G3BP2: variants seen among roughly 807,000 people sequenced by gnomAD.
G3BP2 encodes the protein ras GTPase-activating protein-binding protein 2.
In G3BP2, 11 loss-of-function variants were observed where a neutral mutation model predicts 56.7. That is an observed-to-expected ratio of 0.19 (90% CI 0.12 to 0.32). G3BP2 has a LOEUF of 0.32. G3BP2 is among the 10% of genes least tolerant of loss of function. G3BP2 has a pLI of 1.00. For synonymous variants in G3BP2, 165 were observed against 191.6 expected (o/e 0.86, Z 1.15); for missense variants, 340 against 610.9 (o/e 0.56, Z 4.67).
At chr4:75,652,323 T>C (rs984846247) in intron 8 of G3BP2, among the ~76,000 whole-genome samples, 16 of 152,282 alleles carry the variant, frequency 1.1e-4, no homozygotes, top group Non-Finnish European at 7.4e-5. Flanking sequence ...GCTGGAGAAT[T>C]GCATAAGGTT....
upstream of G3BP2, chr4:75,673,442 T>C: frequency 1.6e-6 from 2 of 1,229,384 alleles, no homozygotes; most frequent in African/African-American, 3.1e-5. Context: ...CCCCCTCTTA[T>C]TGTTTTACCC....
chr4:75,719,161 A>C (rs1720045576), intron 3 of G3BP2, among the ~76,000 whole-genome samples: 1 of 151,818 alleles, frequency 6.6e-6, no homozygotes, highest in Non-Finnish European at 1.5e-5. Context: ...ATCCCGGCTA[A>C]AACGGTGAAA....
chr4:75,710,993 C>T (rs149986759), intron 3 of G3BP2, among the ~76,000 whole-genome samples: 254 of 152,230 alleles, frequency 1.7e-3, no homozygotes, highest in Middle Eastern at 0.01. Context: ...TTTATCCTTT[C>T]TCACCATTCC....
upstream of G3BP2, among the ~76,000 whole-genome samples, chr4:75,675,994 C>T (rs1436648857): frequency 6.6e-6 from 1 of 152,194 alleles, no homozygotes; most frequent in East Asian, 1.9e-4. Context: ...TCAGGTAACC[C>T]TGCTCTTGAG....
chr4:75,720,906 G>A (rs1051124114), exon 3 of G3BP2, among the ~76,000 whole-genome samples: 1 of 148,400 alleles, frequency 6.7e-6, no homozygotes, highest in Non-Finnish European at 1.5e-5. Flanking sequence ...GGAGGCTGAG[G>A]CAGGAGAATA....
intron 11 of G3BP2, 132 bp from the exon 12 acceptor site, chr4:75,645,834 G>A: frequency 1.3e-6 from 1 of 750,878 alleles, no homozygotes; most frequent in Non-Finnish European, 2.1e-6. Flanking sequence ...CCAGAGATAG[G>A]GTCTCAGCTG....
At chr4:75,680,904 G>A (rs755804397) in intron 3 of G3BP2, among the ~76,000 whole-genome samples, 6 of 151,376 alleles carry the variant, frequency 4.0e-5, no homozygotes, top group Non-Finnish European at 8.8e-5. Flanking sequence ...GGAGGCAGAG[G>A]TTGCAGTGAG....
intron 3 of G3BP2, chr4:75,695,053 T>G: frequency 2.6e-6 from 1 of 382,038 alleles, no homozygotes; most frequent in Non-Finnish European, 3.6e-6. Flanking sequence ...CCACTGTAGA[T>G]AGGAACTCAG....
At chr4:75,709,665 T>C (rs1390316931) in intron 3 of G3BP2, among the ~76,000 whole-genome samples, 1 of 151,978 alleles carries the variant, frequency 6.6e-6, no homozygotes, top group East Asian at 1.9e-4. Flanking sequence ...TCATTTTTAT[T>C]TAAAGAATGC....
chr4:75,679,474 A>G (rs1342663597), intron 3 of G3BP2, among the ~76,000 whole-genome samples: 1 of 152,242 alleles, frequency 6.6e-6, no homozygotes, highest in African/African-American at 2.4e-5. Context: ...GTGAGTGTGT[A>G]AAATATGTCT....
intron 3 of G3BP2, among the ~76,000 whole-genome samples, chr4:75,702,651 C>T (rs1719394541): frequency 6.6e-6 from 1 of 152,194 alleles, no homozygotes; most frequent in Non-Finnish European, 1.5e-5. Flanking sequence ...TGCATGGTTA[C>T]ATTAGCATCA....
At chr4:75,652,314 C>A (rs1298882428) in intron 8 of G3BP2, among the ~76,000 whole-genome samples, 3 of 152,142 alleles carry the variant, frequency 2.0e-5, no homozygotes, top group Admixed American at 6.5e-5. Context: ...CAGCAAGGTG[C>A]TGGAGAATTG....
At chr4:75,685,922 T>C (rs1364736253) in intron 3 of G3BP2, among the ~76,000 whole-genome samples, 2 of 151,972 alleles carry the variant, frequency 1.3e-5, no homozygotes, top group Non-Finnish European at 2.9e-5. Context: ...AAATGTCCAG[T>C]GTAACAGAAT....
chr4:75,661,160 A>G (rs1732520526), intron 2 of G3BP2, among the ~76,000 whole-genome samples: 1 of 152,088 alleles, frequency 6.6e-6, no homozygotes, highest in Admixed American at 6.5e-5. Context: ...ACGAAGCCTC[A>G]CTCTGTCACC....
intron 3 of G3BP2, among the ~76,000 whole-genome samples, chr4:75,715,715 TCAACC>T (rs755355843): frequency 4.6e-5 from 7 of 152,200 alleles, no homozygotes; most frequent in Non-Finnish European, 8.8e-5. Flanking sequence ...TGAAAGCTAA[TCAACC>T]CATCAGCCAT....
In G3BP2 at chr4:75,645,337, CTG is replaced by C. The variant is rs1731137168; in HGVS notation, c.*91_*92del. The C allele has an allele frequency of 1.8e-6, 2 of 1,117,794 alleles. No individual in the cohort carries two copies. The highest frequency in any genetic ancestry group is 2.4e-5 in the East Asian group (1 of 41,822). The allele number at this position is 1,117,794 out of a possible 1,614,324, so 69.2% of individuals were successfully genotyped here. A position where few individuals can be genotyped will look rare whatever the true frequency, so the allele number is the denominator to read the frequency against. On this transcript the variant is annotated 3_prime_UTR_variant, in exon 12 of 12. Coordinates refer to ENST00000359707, the MANE Select transcript of G3BP2 (RefSeq NM_203505.3). ...CACATCAAAGAAATGATCAAAAAGG[CTG>C]TGTCACATTCCAAAGCCAAAAAAAA...
Position 75,645,250 on chromosome 4 carries a change from C to G in G3BP2, c.*180G>C. On this transcript the variant is annotated 3_prime_UTR_variant, in exon 12 of 12. Coordinates refer to ENST00000359707, the MANE Select transcript of G3BP2 (RefSeq NM_203505.3). Reference sequence around the variant, plus strand: ...AGATTTATAAATTAACAATGTGAATCCTGTTGTGAAATTGGGGAAATAATG... The same window carrying G: ...AGATTTATAAATTAACAATGTGAATGCTGTTGTGAAATTGGGGAAATAATG... The G allele has an allele frequency of 1.7e-6, 1 of 601,412 alleles. No individual in the cohort carries two copies. Among genetic ancestry groups the G allele is most frequent in the South Asian group, 2.1e-5 (1 of 47,366 alleles). The allele number at this position is 601,412 out of a possible 1,614,324, so 37.3% of individuals were successfully genotyped here.
intron 3 of G3BP2, among the ~76,000 whole-genome samples, chr4:75,703,729 T>A (rs1192337428): frequency 1.3e-5 from 2 of 152,150 alleles, no homozygotes; most frequent in African/African-American, 4.8e-5. Context: ...GACTGAAAAC[T>A]GAAGAATAAG....
intron 3 of G3BP2, among the ~76,000 whole-genome samples, chr4:75,711,981 T>C (rs996010908): frequency 6.6e-6 from 1 of 152,118 alleles, no homozygotes; most frequent in Non-Finnish European, 1.5e-5. Context: ...TATGGAACAA[T>C]TGAAAGAAGA....
Sources: allele counts gnomAD v4.1 joint callset (sites outside exome capture counted in the v4.1 genomes callset), GRCh38; gene constraint gnomAD v4.1.1; transcripts MANE v1.5; gene names NCBI Gene and HGNC (gene_info 2026-07-23, HGNC 2026-07-21).